The following PIGN variants were observed in gnomAD, a reference collection of about 807,000 sequenced individuals.
The protein encoded by PIGN is phosphatidylinositol glycan anchor biosynthesis class N.
Under a neutral mutation model 125.4 loss-of-function variants are expected in PIGN, and 117 were observed. The observed-to-expected ratio is 0.93, with a 90% CI of 0.80 to 1.09. The LOEUF is 1.09. PIGN is among the 50% of genes least tolerant of loss of function. The probability of loss-of-function intolerance (pLI) is 0.00; values close to 1 mark genes in which losing one functional copy is unlikely to be tolerated. For missense variants in PIGN, 1,075 were observed against 1,094.9 expected, an observed-to-expected ratio of 0.98 and a Z score of 0.26; for synonymous variants, 392 against 377.8, an observed-to-expected ratio of 1.04 and a Z score of -0.44.
chr18:62,038,273 T>A (rs1356475711), downstream of PIGN, among the ~76,000 whole-genome samples: 1 of 150,790 alleles, frequency 6.6e-6, no homozygotes, highest in African/African-American at 2.4e-5. Context: ...TCCACCGTGT[T>A]CTTAGAGAGA....
chr18:62,070,245 C>T, intron 30 of PIGN: 1 of 394,746 alleles, frequency 2.5e-6, no homozygotes, highest in Non-Finnish European at 4.5e-6. Context: ...TGGTTTAAAG[C>T]CCATGCTCTG....
downstream of PIGN, chr18:62,041,150 C>T (rs2030358462): frequency 6.6e-6 from 1 of 151,982 alleles, no homozygotes; most frequent in African/African-American, 2.4e-5. Flanking sequence ...ACTGTCAAAT[C>T]ATAAGAAAAC....
chr18:62,167,284 ATATGTGTG>A lies in PIGN; in HGVS notation c.-235-3636_-235-3629del, dbSNP rs1317130735. On this transcript the variant is annotated intron_variant, in intron 1 of 30. Coordinates refer to ENST00000640252, the MANE Select transcript of PIGN (RefSeq NM_176787.5). ...TATAGATAGAGATATATAGAGATATATATGTGTGTGTGTGTGTGTGTGTGTGTGTGTGT... is the reference window on the plus strand; with the variant it reads ...TATAGATAGAGATATATAGAGATATATGTGTGTGTGTGTGTGTGTGTGTGT... Among the ~76,000 whole-genome samples the A allele has an allele frequency of 4.8e-3, 648 of 136,166 alleles. 9 individuals carry two copies. Among genetic ancestry groups the A allele is most frequent in the African/African-American group, 0.017 (545 of 31,854 alleles). The allele number at this position is 136,166 out of a possible 152,430, so 89.3% of individuals were successfully genotyped here.
At chr18:62,128,355 G>T (rs1157186206) in intron 14 of PIGN, among the ~76,000 whole-genome samples, 2 of 152,168 alleles carry the variant, frequency 1.3e-5, no homozygotes, top group Non-Finnish European at 2.9e-5. Flanking sequence ...TATAAACAAA[G>T]AAATGGCTGG....
At chr18:62,145,514 A>C (rs908712430) in intron 10 of PIGN, among the ~76,000 whole-genome samples, 1 of 152,194 alleles carries the variant, frequency 6.6e-6, no homozygotes, top group African/African-American at 2.4e-5. Context: ...GTGATTTTAT[A>C]ACTGACAGCA....
chr18:62,140,963 T>C (rs1334617362), intron 11 of PIGN, among the ~76,000 whole-genome samples: 2 of 152,208 alleles, frequency 1.3e-5, no homozygotes, highest in Non-Finnish European at 2.9e-5. Flanking sequence ...AATACCATTT[T>C]GGATATCTCC....
chr18:62,051,860 C>T (rs1433383352), intron 30 of PIGN: 1 of 152,112 alleles, frequency 6.6e-6, no homozygotes, highest in Non-Finnish European at 1.5e-5. Context: ...TTTCCCTCTA[C>T]ACACTGCTTT....
intron 23 of PIGN, among the ~76,000 whole-genome samples, chr18:62,034,708 G>A (rs1378113989): frequency 6.6e-6 from 1 of 152,170 alleles, no homozygotes; most frequent in African/African-American, 2.4e-5. Flanking sequence ...TTTGAAACAG[G>A]TGTATTTACC....
intron 1 of PIGN, among the ~76,000 whole-genome samples, chr18:62,171,657 T>C (rs904201920): frequency 2.6e-5 from 4 of 152,184 alleles, no homozygotes; most frequent in Admixed American, 6.5e-5. Flanking sequence ...TGAATGGATG[T>C]TGGATTTTGT....
chr18:62,115,288 A>G (rs1409327680), intron 14 of PIGN, among the ~76,000 whole-genome samples: 2 of 152,220 alleles, frequency 1.3e-5, no homozygotes, highest in Non-Finnish European at 2.9e-5. Flanking sequence ...ACCCGAAACT[A>G]CATAAAACTA....
chr18:62,084,730 A>T, intron 26 of PIGN, 124 bp from the exon 27 acceptor site: 1 of 706,992 alleles, frequency 1.4e-6, no homozygotes, highest in Non-Finnish European at 2.5e-6. Flanking sequence ...AGCAAACATC[A>T]TATTATGAAG....
At chr18:62,113,083 G>T in intron 16 of PIGN, 51 bp downstream of exon 16, 1 of 1,352,556 alleles carries the variant, frequency 7.4e-7, no homozygotes, top group Non-Finnish European at 1.0e-6. Context: ...ACTGGATTCA[G>T]TACTAGTGAT....
chr18:62,044,090 T>G lies in PIGN; in HGVS notation c.*1766A>C, dbSNP rs539941223. 10 of 152,078 alleles carry G rather than the reference T, an allele frequency of 6.6e-5. No individual in the cohort carries two copies. Among genetic ancestry groups the G allele is most frequent in the African/African-American group, 2.4e-4 (10 of 41,448 alleles). 9.4% of individuals were successfully genotyped at this position (152,078 alleles called of 1,614,324 possible). Reference sequence around the variant, plus strand: ...GTGGCTGCAGGCACACAACACAAACTCCACAAACTCTATGATACTGTCAGA... The same window carrying G: ...GTGGCTGCAGGCACACAACACAAACGCCACAAACTCTATGATACTGTCAGA... On this transcript the variant is annotated 3_prime_UTR_variant, in exon 31 of 31. Coordinates refer to ENST00000640252, the MANE Select transcript of PIGN (RefSeq NM_176787.5).
At chr18:62,113,340 C>T in intron 15 of PIGN, 24 bp from the exon 16 acceptor site, 1 of 1,529,708 alleles carries the variant, frequency 6.5e-7, no homozygotes, top group Non-Finnish European at 8.8e-7. Context: ...ACATATATAA[C>T]TTGCTAACAG....
intron 23 of PIGN, among the ~76,000 whole-genome samples, chr18:62,020,134 G>A (rs2030035517): frequency 6.6e-6 from 1 of 152,186 alleles, no homozygotes; most frequent in Admixed American, 6.5e-5. Context: ...AGAACACTAG[G>A]GAGCTGAGAG....
chr18:62,044,332 G>A lies in PIGN; in HGVS notation c.*1524C>T, dbSNP rs886103470. Reference sequence around the variant, plus strand: ...AAGGTCAGTGATAAGTGTTTATACAGTCAGTTTTTTCTGATGTGTGAAAAA... The same window carrying A: ...AAGGTCAGTGATAAGTGTTTATACAATCAGTTTTTTCTGATGTGTGAAAAA... On this transcript the variant is annotated 3_prime_UTR_variant, in exon 31 of 31. Transcript: ENST00000640252. 9.2e-5 allele frequency: 14 copies of A among 152,116 alleles called. No homozygotes were observed. The highest frequency in any genetic ancestry group is 9.2e-4 in the Admixed American group (14 of 15,276). 9.4% of individuals were successfully genotyped at this position (152,116 alleles called of 1,614,324 possible).
At chr18:62,061,436 AGGAGCTTGCAGTGAGCCG>A (rs2032121233) in intron 30 of PIGN, among the ~76,000 whole-genome samples, 1 of 71,900 alleles carries the variant, frequency 1.4e-5, no homozygotes, top group African/African-American at 4.0e-5. Context: ...AAAGCAATAA[AGGAGCTTGCAGTGAGCCG>A]AGATTGTGCC....
At chr18:62,068,133 G>T (rs2032635526) in intron 30 of PIGN, among the ~76,000 whole-genome samples, 1 of 152,112 alleles carries the variant, frequency 6.6e-6, no homozygotes, top group Non-Finnish European at 1.5e-5. Flanking sequence ...TCTCTTTAGA[G>T]GTGTCTTCTG....
intron 30 of PIGN, among the ~76,000 whole-genome samples, chr18:62,054,754 C>T (rs2035024818): frequency 6.6e-6 from 1 of 152,040 alleles, no homozygotes. Context: ...GGCCCTCCCA[C>T]AGTGTTGGGA....
Sources: allele counts gnomAD v4.1 joint callset (sites outside exome capture counted in the v4.1 genomes callset), GRCh38; gene constraint gnomAD v4.1.1; transcripts MANE v1.5; gene names NCBI Gene and HGNC (gene_info 2026-07-23, HGNC 2026-07-21).